STAU1: variants seen among roughly 807,000 people sequenced by gnomAD.
The protein encoded by STAU1 is staufen double-stranded RNA binding protein 1, also known as double-stranded RNA-binding protein Staufen homolog 1.
Under a neutral mutation model 62.9 loss-of-function variants are expected in STAU1, and 13 were observed. That is an observed-to-expected ratio of 0.21 (90% CI 0.13 to 0.33). The LOEUF (loss-of-function observed/expected upper bound fraction) is 0.33, where lower values mean the gene tolerates loss of function less well. Among genes scored for constraint, STAU1 ranks in the 10% least tolerant of loss-of-function variants. STAU1 has a pLI of 1.00. For synonymous variants in STAU1, 269 were observed against 265.1 expected, an observed-to-expected ratio of 1.01 and a Z score of -0.14; for missense variants, 571 against 712.1, an observed-to-expected ratio of 0.80 and a Z score of 2.25.
At chr20:49,138,395 T>C (rs986005307) in intron 5 of STAU1, among the ~76,000 whole-genome samples, 5 of 152,198 alleles carry the variant, frequency 3.3e-5, no homozygotes, top group Non-Finnish European at 7.3e-5. Context: ...CTCTTTGTAA[T>C]TCCTTCTATC....
intron 5 of STAU1, among the ~76,000 whole-genome samples, 182 bp downstream of exon 5, chr20:49,151,400 T>C (rs2093246390): frequency 6.6e-6 from 1 of 152,156 alleles, no homozygotes; most frequent in Non-Finnish European, 1.5e-5. Flanking sequence ...GTTAAGAAAT[T>C]TTAAAAGGAA....
rs143784963 is a variant in STAU1 at position 49,133,888 on chromosome 20, G to A, written c.609+1945C>T. 1.7e-3 allele frequency among the ~76,000 whole-genome samples: 260 copies of A among 152,140 alleles called. 1 individual carries two copies. The highest frequency in any genetic ancestry group is 6.0e-3 in the African/African-American group (249 of 41,432). On this transcript the variant is annotated intron_variant, in intron 6 of 13. Transcript: ENST00000371856. ...AGGCAGAGAGGCATCAGCAGGGTGA[G>A]GTGAGAAATCATCATCACTCGGCCA...
the STAU1 span, among the ~76,000 whole-genome samples, chr20:49,199,685 G>A: frequency 6.6e-6 from 1 of 151,410 alleles, no homozygotes; most frequent in African/African-American, 2.4e-5. Context: ...TGATTCTCCT[G>A]CCTCAGCCTC....
At chr20:49,155,330 T>C (rs1428996256) in intron 3 of STAU1, among the ~76,000 whole-genome samples, 1 of 152,242 alleles carries the variant, frequency 6.6e-6, no homozygotes, top group Non-Finnish European at 1.5e-5. Context: ...TCCATTTTCA[T>C]ACACAACAAG....
chr20:49,188,302 G>A lies in STAU1; in HGVS notation c.-346C>T, dbSNP rs569200094. ...CGGTCAAAGGAAGCGGGAGCCGAGA[G>A]AGACGCGGCAGCCGCCGGCGCAAAC... On this transcript the variant is annotated 5_prime_UTR_variant, in exon 1 of 14. Coordinates refer to ENST00000371856, the MANE Select transcript of STAU1 (RefSeq NM_017453.4). 5.9e-5 allele frequency: 9 copies of A among 152,140 alleles called. No individual in the cohort carries two copies. The highest frequency in any genetic ancestry group is 2.0e-4 in the South Asian group (1 of 4,880). 9.4% of individuals were successfully genotyped at this position (152,140 alleles called of 1,614,324 possible). A position where few individuals can be genotyped will look rare whatever the true frequency, so the allele number is the denominator to read the frequency against.
chr20:49,134,599 T>C, intron 6 of STAU1: 3 of 1,301,736 alleles, frequency 2.3e-6, no homozygotes, highest in Non-Finnish European at 3.3e-6. Flanking sequence ...AAGATACAGA[T>C]ATTGTGGATG....
chr20:49,136,549 G>C (rs908154484), intron 5 of STAU1, among the ~76,000 whole-genome samples: 1 of 152,200 alleles, frequency 6.6e-6, no homozygotes, highest in Non-Finnish European at 1.5e-5. Flanking sequence ...CTGCTGCTCG[G>C]AACAGTGACT....
the STAU1 span, among the ~76,000 whole-genome samples, chr20:49,195,275 C>T: frequency 2.0e-5 from 3 of 152,104 alleles, no homozygotes; most frequent in Non-Finnish European, 4.4e-5. Context: ...CTGTGGCTCA[C>T]GCCTGTAATC....
the STAU1 span, among the ~76,000 whole-genome samples, chr20:49,218,736 T>A: frequency 8.6e-5 from 13 of 152,002 alleles, no homozygotes; most frequent in Non-Finnish European, 1.8e-4. Flanking sequence ...ACAATAAACA[T>A]TAATTTTAAT....
intron 3 of STAU1, among the ~76,000 whole-genome samples, chr20:49,163,269 A>C (rs1422417833): frequency 1.3e-5 from 2 of 151,626 alleles, no homozygotes; most frequent in African/African-American, 4.8e-5. Flanking sequence ...GTTGGGAAGC[A>C]GAATATTGTT....
At chr20:49,156,570 T>C (rs1286630292) in intron 3 of STAU1, among the ~76,000 whole-genome samples, 1 of 152,196 alleles carries the variant, frequency 6.6e-6, no homozygotes, top group African/African-American at 2.4e-5. Context: ...GAAATTTTGT[T>C]CCCTCCAAAG....
At chr20:49,175,654 A>C (rs1268538973) in intron 1 of STAU1, among the ~76,000 whole-genome samples, 1 of 146,126 alleles carries the variant, frequency 6.8e-6, no homozygotes, top group Non-Finnish European at 1.5e-5. Context: ...TAATTTTTTT[A>C]TTTTTATTTT....
At chr20:49,125,130 G>A (rs1428516844) in intron 6 of STAU1, among the ~76,000 whole-genome samples, 1 of 69,902 alleles carries the variant, frequency 1.4e-5, no homozygotes, top group African/African-American at 5.8e-5. Flanking sequence ...TTTAGTTTAA[G>A]AAAAATAGGA....
intron 5 of STAU1, among the ~76,000 whole-genome samples, chr20:49,139,915 G>A (rs757860043): frequency 2.0e-5 from 3 of 151,884 alleles, no homozygotes; most frequent in Non-Finnish European, 4.4e-5. Context: ...AGTGCGTGCG[G>A]TGGCTCACAC....
intron 1 of STAU1, among the ~76,000 whole-genome samples, chr20:49,177,704 A>G (rs560170464): frequency 6.6e-6 from 1 of 152,094 alleles, no homozygotes; most frequent in Non-Finnish European, 1.5e-5. Context: ...ATTTTAAAAC[A>G]CACATAAAAA....
At chr20:49,191,488 C>T (rs1023386907), upstream of STAU1, among the ~76,000 whole-genome samples, 1 of 126,618 alleles carries the variant, frequency 7.9e-6, no homozygotes, top group Non-Finnish European at 1.6e-5. Context: ...TGGCCCATAA[C>T]ACAGTGCCAG....
At chr20:49,136,916 T>G (rs2092898213) in intron 5 of STAU1, among the ~76,000 whole-genome samples, 2 of 152,210 alleles carry the variant, frequency 1.3e-5, no homozygotes. Context: ...CAGGCTGGTC[T>G]CGAACTCCTG....
chr20:49,213,292 G>A, the STAU1 span, among the ~76,000 whole-genome samples: 15 of 151,758 alleles, frequency 9.9e-5, no homozygotes, highest in Non-Finnish European at 1.6e-4. Flanking sequence ...GTGCCGTGGC[G>A]CAATCTTGGC....
intron 3 of STAU1, among the ~76,000 whole-genome samples, chr20:49,162,216 AATG>A (rs1322408531): frequency 1.5e-4 from 23 of 152,190 alleles, no homozygotes; most frequent in Admixed American, 3.9e-4. Context: ...AATAAAATAA[AATG>A]ATGTTGGTGG....
Sources: allele counts gnomAD v4.1 joint callset (sites outside exome capture counted in the v4.1 genomes callset), GRCh38; gene constraint gnomAD v4.1.1; transcripts MANE v1.5; gene names NCBI Gene and HGNC (gene_info 2026-07-23, HGNC 2026-07-21).